The following EXPH5 variants were observed in gnomAD, a reference collection of about 807,000 sequenced individuals.
EXPH5 encodes the protein exophilin 5.
EXPH5 carries 42 observed loss-of-function variants against 41.1 expected under a neutral mutation model. The ratio of observed to expected loss-of-function variants is 1.02; its 90% CI spans 0.80 to 1.32. The LOEUF is 1.32. Among genes scored for constraint, EXPH5 ranks in the 40% most tolerant of loss-of-function variants. The pLI is 0.00. For missense variants in EXPH5, 2,298 were observed against 2,314.5 expected (o/e 0.99, Z 0.15); for synonymous variants, 798 against 833.5 (o/e 0.96, Z 0.73).
Position 108,513,539 on chromosome 11 carries a change from A to C in EXPH5, c.1968T>G (p.Ile656Met), listed in dbSNP as rs2093699193. ...LQNPTVTLQK[I>M]FPNKPASHPM... ...GATGAGAGGCAGGCTTATTTGGAAA[A>C]ATTTTCTGCAAAGTGACTGTGGGAT... is the stretch of plus-strand genomic sequence containing the variant. The change falls in exon 6 of 6, where the codon ATT (isoleucine) becomes ATG (methionine). Residue 656 changes from isoleucine to methionine, a missense_variant. Transcript: ENST00000265843. 3.1e-6 allele frequency: 5 copies of C among 1,614,100 alleles called. No homozygotes were observed. Among genetic ancestry groups the C allele is most frequent in the African/African-American group, 2.7e-5 (2 of 75,008 alleles).
At position 108,510,646 on chromosome 11, in the gene EXPH5, G is replaced by T. The variant is rs199531963; in HGVS notation, c.4861C>A (p.Pro1621Thr). 4.1e-5 allele frequency: 66 copies of T among 1,614,030 alleles called. No individual in the cohort carries two copies. Among genetic ancestry groups the T allele is most frequent in the Non-Finnish European group, 5.1e-5 (60 of 1,180,034 alleles). ...AAGCCAGATCTGCTTCCACTTTGGG[G>T]GAAGATAGTAGCTACATGTCTTCTG... Reference protein sequence around the residue: ...SPRRHVATIFPQSGSRSGFDH... With the variant: ...SPRRHVATIFTQSGSRSGFDH... The change falls in exon 6 of 6, where the codon CCC (proline) becomes ACC (threonine). Residue 1621 changes from proline to threonine, a missense_variant. By Grantham distance (38) the Pro-to-Thr change is conservative (BLOSUM62 -1). Coordinates refer to ENST00000265843, the MANE Select transcript of EXPH5 (RefSeq NM_015065.3).
intron 1 of EXPH5, among the ~76,000 whole-genome samples, chr11:108,553,921 C>A (rs1354393571): frequency 1.3e-5 from 2 of 152,128 alleles, no homozygotes; most frequent in South Asian, 4.1e-4. Flanking sequence ...GGGCCAGGCA[C>A]GTTACACGTA....
intron 5 of EXPH5, among the ~76,000 whole-genome samples, chr11:108,515,283 T>C (rs1358303555): frequency 6.6e-5 from 10 of 152,276 alleles, no homozygotes; most frequent in South Asian, 2.1e-4. Flanking sequence ...TATTAAGCCT[T>C]GTCTTTCTGT....
chr11:108,527,981 A>T (rs769239056), intron 4 of EXPH5, among the ~76,000 whole-genome samples, 155 bp downstream of exon 4: 14 of 152,246 alleles, frequency 9.2e-5, no homozygotes, highest in Admixed American at 3.3e-4. Context: ...GAAGCCAAAT[A>T]TAATTGGGAA....
At chr11:108,565,425 G>C (rs966808927) in intron 1 of EXPH5, among the ~76,000 whole-genome samples, 118 of 152,188 alleles carry the variant, frequency 7.8e-4, no homozygotes, top group African/African-American at 2.7e-3. Flanking sequence ...GATCAGTGCT[G>C]AATGTTGTCT....
At chr11:108,579,314 T>C (rs941845920) in intron 1 of EXPH5, among the ~76,000 whole-genome samples, 1 of 152,128 alleles carries the variant, frequency 6.6e-6, no homozygotes, top group African/African-American at 2.4e-5. Context: ...ATACATCATG[T>C]TTATTAACTT....
intron 1 of EXPH5, among the ~76,000 whole-genome samples, chr11:108,585,684 C>T: frequency 6.6e-6 from 1 of 152,148 alleles, no homozygotes. Flanking sequence ...CAGAATGGTA[C>T]AGCTGTGGGA....
chr11:108,598,569 G>A (rs1474170827), upstream of EXPH5, among the ~76,000 whole-genome samples: 1 of 152,162 alleles, frequency 6.6e-6, no homozygotes, highest in Admixed American at 6.5e-5. Context: ...GTCTGAAGAG[G>A]AGGGGATAAT....
chr11:108,575,768 G>A (rs1324869591), intron 1 of EXPH5, among the ~76,000 whole-genome samples: 1 of 152,156 alleles, frequency 6.6e-6, no homozygotes, highest in African/African-American at 2.4e-5. Context: ...GAGGTCAGGA[G>A]TTCAAGAACA....
intron 1 of EXPH5, among the ~76,000 whole-genome samples, chr11:108,571,196 C>G (rs2094058767): frequency 6.6e-6 from 1 of 152,128 alleles, no homozygotes; most frequent in South Asian, 2.1e-4. Context: ...ACTCATAAAC[C>G]TTTTAAAGAC....
chr11:108,516,005 G>A (rs1208326744), intron 5 of EXPH5, among the ~76,000 whole-genome samples: 1 of 148,286 alleles, frequency 6.7e-6, no homozygotes, highest in Non-Finnish European at 1.5e-5. Context: ...CCGGGAGGCA[G>A]AGCTTGCAGT....
intron 1 of EXPH5, among the ~76,000 whole-genome samples, chr11:108,565,218 T>C (rs1415967258): frequency 6.6e-6 from 1 of 152,168 alleles, no homozygotes; most frequent in Non-Finnish European, 1.5e-5. Context: ...TAGTTTTTGA[T>C]AACTTATCTG....
intron 2 of EXPH5, among the ~76,000 whole-genome samples, 196 bp downstream of exon 2, chr11:108,541,456 C>T (rs200148727): frequency 1.3e-5 from 2 of 151,968 alleles, no homozygotes; most frequent in East Asian, 1.9e-4. Flanking sequence ...AAAAAAAAAT[C>T]CAAGACATTA....
At chr11:108,586,085 C>T (rs753169233) in intron 1 of EXPH5, among the ~76,000 whole-genome samples, 4 of 152,136 alleles carry the variant, frequency 2.6e-5, no homozygotes, top group Admixed American at 6.5e-5. Context: ...ACCACAGACG[C>T]GTGCCACCAC....
chr11:108,532,198 G>A (rs1176684542), intron 3 of EXPH5, among the ~76,000 whole-genome samples: 4 of 145,094 alleles, frequency 2.8e-5, no homozygotes, highest in African/African-American at 7.7e-5. Context: ...TTTTTTTTGA[G>A]ACAGGGTCTT....
At chr11:108,518,105 A>G (rs2093738683) in intron 5 of EXPH5, 130 bp downstream of exon 5, 2 of 756,732 alleles carry the variant, frequency 2.6e-6, no homozygotes, top group Non-Finnish European at 2.1e-6. Flanking sequence ...TCTTCAAATA[A>G]GCTAAACATG....
Position 108,554,301 on chromosome 11 carries a change from C to T in EXPH5, c.120-12489G>A, listed in dbSNP as rs571403621. 7.4e-4 allele frequency among the ~76,000 whole-genome samples: 113 copies of T among 152,184 alleles called. 1 individual carries two copies. The highest frequency in any genetic ancestry group is 2.0e-3 in the Admixed American group (31 of 15,288). On this transcript the variant is annotated intron_variant, in intron 1 of 5. Transcript: ENST00000265843. ...AACTCCTGGCCTCAAGTGATCCTCC[C>T]GCCTCAGCCTCCCAAAGTGCTGGGA... is the stretch of plus-strand genomic sequence containing the variant.
At position 108,512,945 on chromosome 11, in the gene EXPH5, A is replaced by C. The variant is rs751727444; in HGVS notation, c.2562T>G (p.Thr854=). The change falls in exon 6 of 6, where the codon ACT becomes ACG. Residue 854 remains threonine, a synonymous_variant. Transcript: ENST00000265843. ...ITNNHWSSAL[T]DTQNAQYSKC... The stretch of plus-strand genomic sequence containing the variant: ...TTGAGTATTGTGCATTTTGAGTATC[A>C]GTCAGTGCAGAGCTCCAGTGGTTAT... The C allele has an allele frequency of 1.9e-6, 3 of 1,612,982 alleles. No individual in the cohort carries two copies. The highest frequency in any genetic ancestry group is 2.5e-6 in the Non-Finnish European group (3 of 1,179,530).
At chr11:108,537,688 A>G (rs2093888013) in intron 3 of EXPH5, among the ~76,000 whole-genome samples, 1 of 152,252 alleles carries the variant, frequency 6.6e-6, no homozygotes, top group South Asian at 2.1e-4. Flanking sequence ...AATTTGCAAT[A>G]TGAGCTTGGA....
Sources: gnomAD v4.1 joint callset for allele counts (sites outside exome capture counted in the v4.1 genomes callset) on GRCh38, gnomAD v4.1.1 for gene constraint, MANE v1.5 for transcripts, NCBI Gene and HGNC (gene_info 2026-07-23, HGNC 2026-07-21) for gene names.